INPP4B: variants seen among roughly 807,000 people sequenced by gnomAD.
INPP4B encodes the protein inositol polyphosphate 4-phosphatase type II.
In INPP4B, 55 loss-of-function variants were observed where a neutral mutation model predicts 122.5. The observed-to-expected ratio is 0.45, with a 90% confidence interval of 0.36 to 0.56. The LOEUF (loss-of-function observed/expected upper bound fraction) is 0.56, where lower values mean the gene tolerates loss of function less well. Ranked by LOEUF, INPP4B falls within the 20% of genes least tolerant of loss-of-function variation. The pLI is 0.00. For missense variants in INPP4B, 1,000 were observed against 1,097.7 expected, an observed-to-expected ratio of 0.91 and a Z score of 1.26; for synonymous variants, 403 against 388.7, an observed-to-expected ratio of 1.04 and a Z score of -0.43.
chr4:142,031,600 G>A (rs1228844691), intron 25 of INPP4B, among the ~76,000 whole-genome samples: 3 of 152,076 alleles, frequency 2.0e-5, no homozygotes, highest in Admixed American at 6.6e-5. Context: ...TGAGCAAAAG[G>A]GGGTTTATTT....
intron 25 of INPP4B, among the ~76,000 whole-genome samples, chr4:142,061,729 G>T (rs970625085): frequency 6.6e-6 from 1 of 151,466 alleles, no homozygotes; most frequent in African/African-American, 2.4e-5. Flanking sequence ...GATCAAATTA[G>T]ATTTAAGCAA....
intron 2 of INPP4B, among the ~76,000 whole-genome samples, chr4:142,557,642 C>T (rs1337207562): frequency 6.6e-6 from 1 of 152,138 alleles, no homozygotes; most frequent in Non-Finnish European, 1.5e-5. Flanking sequence ...CCTTGGTAAA[C>T]ATTAACCCCA....
At chr4:142,701,387 AATGCCAC>A (rs2150758166) in intron 2 of INPP4B, among the ~76,000 whole-genome samples, 1 of 152,090 alleles carries the variant, frequency 6.6e-6, no homozygotes, top group South Asian at 2.1e-4. Context: ...TCCTTAAAGG[AATGCCAC>A]ATGGATCCAA....
intron 5 of INPP4B, among the ~76,000 whole-genome samples, chr4:142,428,948 G>T (rs1808700504): frequency 6.6e-6 from 1 of 151,950 alleles, no homozygotes; most frequent in Non-Finnish European, 1.5e-5. Context: ...AGCAGACCTG[G>T]TTGAGAGGCA....
chr4:142,415,300 G>A (rs1187523771), intron 5 of INPP4B, among the ~76,000 whole-genome samples: 1 of 152,104 alleles, frequency 6.6e-6, no homozygotes, highest in Non-Finnish European at 1.5e-5. Context: ...GGAAAGTCAG[G>A]GCTTCAGTTA....
chr4:142,300,994 T>C (rs1665681338), intron 9 of INPP4B, among the ~76,000 whole-genome samples: 1 of 152,130 alleles, frequency 6.6e-6, no homozygotes, highest in Non-Finnish European at 1.5e-5. Flanking sequence ...AAAGAAATAA[T>C]AAAGTCCTCG....
intron 24 of INPP4B, among the ~76,000 whole-genome samples, chr4:142,083,631 CCAT>C (rs1368188519): frequency 2.0e-5 from 3 of 152,086 alleles, no homozygotes; most frequent in Admixed American, 2.0e-4. Flanking sequence ...GAATTTATTA[CCAT>C]GTTTTAATTG....
chr4:142,164,640 T>G (rs1821800601), intron 16 of INPP4B, among the ~76,000 whole-genome samples: 1 of 151,768 alleles, frequency 6.6e-6, no homozygotes, highest in South Asian at 2.1e-4. Context: ...TTTTTCCTAG[T>G]TTGCATAAAA....
chr4:142,150,749 T>C (rs1813453329), intron 17 of INPP4B, among the ~76,000 whole-genome samples: 1 of 152,170 alleles, frequency 6.6e-6, no homozygotes, highest in Admixed American at 6.5e-5. Flanking sequence ...ACCTGGCAGA[T>C]GAGCCATGAA....
chr4:142,637,188 T>C (rs1001984819), intron 2 of INPP4B, among the ~76,000 whole-genome samples: 1 of 152,162 alleles, frequency 6.6e-6, no homozygotes, highest in African/African-American at 2.4e-5. Flanking sequence ...TGAACCTGCA[T>C]TGACACATCA....
At chr4:142,450,109 T>G (rs1813813531) in intron 3 of INPP4B, among the ~76,000 whole-genome samples, 3 of 152,148 alleles carry the variant, frequency 2.0e-5, no homozygotes. Context: ...CCAGCCTAGA[T>G]TCTGTCCCCA....
At chr4:142,042,142 GT>G (rs1748048666) in intron 25 of INPP4B, among the ~76,000 whole-genome samples, 1 of 152,160 alleles carries the variant, frequency 6.6e-6, no homozygotes, top group African/African-American at 2.4e-5. Context: ...GTCAGAAGCT[GT>G]TTTCCTGTCT....
intron 2 of INPP4B, among the ~76,000 whole-genome samples, chr4:142,594,240 TC>T (rs1305330766): frequency 2.1e-5 from 2 of 93,500 alleles, no homozygotes; most frequent in Non-Finnish European, 4.8e-5. Flanking sequence ...AGATCTTTAT[TC>T]TTCTGTTGAA....
chr4:142,100,874 CTT>C (rs1784179503), intron 23 of INPP4B, among the ~76,000 whole-genome samples: 1 of 152,072 alleles, frequency 6.6e-6, no homozygotes, highest in Non-Finnish European at 1.5e-5. Flanking sequence ...GAGAGGCTCT[CTT>C]AACATTCAGA....
intron 3 of INPP4B, among the ~76,000 whole-genome samples, chr4:142,445,486 A>G (rs1812710612): frequency 6.6e-6 from 1 of 152,200 alleles, no homozygotes; most frequent in Non-Finnish European, 1.5e-5. Context: ...TTATATAATT[A>G]TAAAATGGTT....
At chr4:142,766,065 T>A (rs890688945) in intron 1 of INPP4B, 9 of 152,172 alleles carry the variant, frequency 5.9e-5, no homozygotes, top group Admixed American at 3.3e-4. Context: ...CAGTGAAACA[T>A]TTGCATAAAC....
At chr4:142,131,232 C>T (rs887671656) in intron 18 of INPP4B, among the ~76,000 whole-genome samples, 1 of 152,118 alleles carries the variant, frequency 6.6e-6, no homozygotes, top group Non-Finnish European at 1.5e-5. Flanking sequence ...CTTTGAGCAA[C>T]CTGAAATTAT....
chr4:142,559,893 C>T (rs1286218189), intron 2 of INPP4B, among the ~76,000 whole-genome samples: 1 of 128,512 alleles, frequency 7.8e-6, no homozygotes, highest in African/African-American at 3.2e-5. Context: ...TACTTATTTA[C>T]ATTTCACTCA....
intron 1 of INPP4B, among the ~76,000 whole-genome samples, chr4:142,747,239 A>G (rs1229594846): frequency 1.3e-5 from 2 of 152,216 alleles, no homozygotes; most frequent in East Asian, 3.9e-4. Flanking sequence ...TCTCAAAAGA[A>G]AATATTTATG....
Sources: allele counts gnomAD v4.1 joint callset (sites outside exome capture counted in the v4.1 genomes callset), GRCh38; gene constraint gnomAD v4.1.1; transcripts MANE v1.5; gene names NCBI Gene and HGNC (gene_info 2026-07-23, HGNC 2026-07-21).